The following SLC47A2 variants were observed in gnomAD, a reference collection of about 807,000 sequenced individuals.
The protein encoded by SLC47A2 is solute carrier family 47 member 2.
In SLC47A2, 52 loss-of-function variants were observed where a neutral mutation model predicts 67.7. The observed-to-expected ratio is 0.77, with a 90% confidence interval of 0.61 to 0.97. The LOEUF is 0.97. Among genes scored for constraint, SLC47A2 ranks in the 50% least tolerant of loss-of-function variants. The pLI is 0.00. For missense variants in SLC47A2, 676 were observed against 712.3 expected, an observed-to-expected ratio of 0.95 and a Z score of 0.58; for synonymous variants, 278 against 292.9, an observed-to-expected ratio of 0.95 and a Z score of 0.52.
At chr17:19,690,107 A>G (rs2085508563) in intron 13 of SLC47A2, among the ~76,000 whole-genome samples, 1 of 152,220 alleles carries the variant, frequency 6.6e-6, no homozygotes, top group African/African-American at 2.4e-5. Context: ...AGAACCCAGA[A>G]GTAAATCCAT....
chr17:19,680,736 A>G (rs2085294031), intron 15 of SLC47A2, among the ~76,000 whole-genome samples: 1 of 151,978 alleles, frequency 6.6e-6, no homozygotes, highest in Admixed American at 6.6e-5. Context: ...TCCAAAGTCA[A>G]GGCACACGCT....
In SLC47A2 at chr17:19,678,749, C is replaced by G; in HGVS notation, c.1638G>C (p.Leu546=). 6.2e-7 allele frequency: 1 copy of G among 1,614,042 alleles called. No individual in the cohort carries two copies. The highest frequency in any genetic ancestry group is 8.5e-7 in the Non-Finnish European group (1 of 1,180,050). The stretch of plus-strand genomic sequence containing the variant: ...CCATCAGTGTGGCTGACGCCGCCCC[C>G]AGAGCAGCCCCACGGCGGATGACCA... The part of the protein sequence containing the change: ...KQLVIRRGAA[L]GAASATLMVG... Residue 546 remains leucine, a synonymous_variant, in exon 17 of 17, where the codon CTG becomes CTC. Coordinates refer to ENST00000433844, the MANE Select transcript of SLC47A2 (RefSeq NM_001099646.3).
intron 15 of SLC47A2, 97 bp from the exon 16 acceptor site, chr17:19,680,136 C>A (rs1899425963): frequency 8.4e-7 from 1 of 1,197,008 alleles, no homozygotes; most frequent in Admixed American, 2.2e-5. Context: ...ACATTGCAAG[C>A]TGAAGCAGCA....
intron 13 of SLC47A2, among the ~76,000 whole-genome samples, chr17:19,697,912 G>A (rs1211045966): frequency 6.6e-6 from 1 of 152,014 alleles, no homozygotes; most frequent in Admixed American, 6.6e-5. Flanking sequence ...TTTTTAAAAT[G>A]GGCAAAAGAC....
intron 13 of SLC47A2, among the ~76,000 whole-genome samples, chr17:19,699,020 G>C (rs973946437): frequency 3.9e-5 from 6 of 152,128 alleles, no homozygotes; most frequent in Non-Finnish European, 5.9e-5. Context: ...GTGGATTTTG[G>C]TACCTTGCGG....
intron 13 of SLC47A2, among the ~76,000 whole-genome samples, chr17:19,694,849 G>T (rs1160186601): frequency 1.3e-5 from 2 of 150,382 alleles, no homozygotes; most frequent in Non-Finnish European, 2.9e-5. Context: ...CCGGGAGGCA[G>T]AGGTTGCAGT....
chr17:19,690,885 C>T (rs752489812), intron 13 of SLC47A2, among the ~76,000 whole-genome samples: 2 of 151,880 alleles, frequency 1.3e-5, no homozygotes, highest in South Asian at 2.1e-4. Context: ...CTTGGGGGGT[C>T]GAGGTGGGCG....
At position 19,708,718 on chromosome 17, in the gene SLC47A2, G is replaced by C; in HGVS notation, c.529C>G (p.Gln177Glu). ...CCCCACACACCAAAGACCTGTACCT[G>C]ATTTTGCAAATATTTTGCCAGCAGA... is the stretch of plus-strand genomic sequence containing the variant. ...YNLLAKYLQN[Q>E]KITWPQVLSG... Residue 177 changes from glutamine (Q) to glutamate (E), a missense_variant and splice_region_variant, in exon 6 of 17, where the codon CAG (glutamine) becomes GAG (glutamate). Physicochemically the swap from Gln to Glu is conservative, Grantham distance 29. Transcript: ENST00000433844. 6.2e-7 allele frequency: 1 copy of C among 1,613,960 alleles called. No individual in the cohort carries two copies.
chr17:19,698,414 G>A (rs1318457684), intron 13 of SLC47A2, among the ~76,000 whole-genome samples: 8 of 152,020 alleles, frequency 5.3e-5, no homozygotes, highest in African/African-American at 1.2e-4. Flanking sequence ...GTACAGTGGC[G>A]CAATATTGGC....
rs116752080 is a variant in SLC47A2, at chr17:19,698,695, C to A, written c.1164+3910G>T. 4.9e-3 allele frequency among the ~76,000 whole-genome samples: 747 copies of A among 152,226 alleles called. 7 individuals are homozygous for A. The highest frequency in any genetic ancestry group is 0.017 in the African/African-American group (711 of 41,520). Reference sequence around the variant, plus strand: ...ATGTCAGGGTTGATTAAAAAAAATTCTTTTAATTTTGATAAAATACACATA... The same window carrying A: ...ATGTCAGGGTTGATTAAAAAAAATTATTTTAATTTTGATAAAATACACATA... On this transcript the variant is annotated intron_variant, in intron 13 of 16. Transcript: ENST00000433844.
At chr17:19,683,308 G>A (rs2085354858) in intron 13 of SLC47A2, among the ~76,000 whole-genome samples, 1 of 152,104 alleles carries the variant, frequency 6.6e-6, no homozygotes, top group Non-Finnish European at 1.5e-5. Flanking sequence ...AATGCCCAGG[G>A]GACCGCCCTC....
At chr17:19,704,260 A>G (rs1189422350) in intron 10 of SLC47A2, 82 bp from the exon 11 acceptor site, 12 of 1,147,166 alleles carry the variant, frequency 1.0e-5, no homozygotes, top group Middle Eastern at 2.0e-4. Context: ...GCCAAGAGGG[A>G]CGTGAGCGGG....
intron 13 of SLC47A2, chr17:19,702,076 T>C: frequency 3.1e-6 from 3 of 968,732 alleles, no homozygotes; most frequent in South Asian, 4.8e-5. Flanking sequence ...ACTGCTGCAC[T>C]CCAGCCTGGG....
At chr17:19,680,674 G>T (rs2085292828) in intron 15 of SLC47A2, among the ~76,000 whole-genome samples, 1 of 152,072 alleles carries the variant, frequency 6.6e-6, no homozygotes, top group Non-Finnish European at 1.5e-5. Flanking sequence ...GCCCTGCCCT[G>T]TTTAAAAAGG....
intron 13 of SLC47A2, among the ~76,000 whole-genome samples, chr17:19,697,592 T>G (rs75936794): frequency 0.021 from 3,236 of 152,254 alleles, 59 homozygotes; most frequent in African/African-American, 0.047. Context: ...TTTGTTTTAT[T>G]TATTTTGTAG....
At chr17:19,695,499 C>CAAAAAAAAAAAAAAAA in intron 13 of SLC47A2, among the ~76,000 whole-genome samples, 1 of 55,434 alleles carries the variant, frequency 1.8e-5, no homozygotes, top group Non-Finnish European at 3.2e-5. Flanking sequence ...AAACAAAGAA[C>CAAAAAAAAAAAAAAAA]AAAAAAAAAA....
Position 19,712,792 on chromosome 17 carries a change from G to A in SLC47A2, c.444-47C>T, listed in dbSNP as rs760269719. 3.0e-5 allele frequency: 48 copies of A among 1,582,928 alleles called. No individual in the cohort carries two copies. In the Admixed American group the frequency reaches 5.7e-4, roughly 19 times the overall value. On this transcript the variant is annotated intron_variant, in intron 4 of 16. Transcript: ENST00000433844. ...CGGAGCTGACCAGGCTGTGGCCCGG[G>A]GAGGCAGGGCCCTCTCCCCTGTGTC... is the stretch of plus-strand genomic sequence containing the variant.
At chr17:19,711,518 G>T (rs1377369812) in intron 5 of SLC47A2, among the ~76,000 whole-genome samples, 1 of 146,290 alleles carries the variant, frequency 6.8e-6, no homozygotes, top group East Asian at 2.1e-4. Context: ...GAATCTGGGA[G>T]GCAGAGGTTG....
At chr17:19,713,511 A>T (rs951565719) in intron 4 of SLC47A2, among the ~76,000 whole-genome samples, 1 of 152,238 alleles carries the variant, frequency 6.6e-6, no homozygotes, top group Non-Finnish European at 1.5e-5. Flanking sequence ...ATTTCTTCGA[A>T]AGCATCTGTA....
Sources: gnomAD v4.1 joint callset for allele counts (sites outside exome capture counted in the v4.1 genomes callset) on GRCh38, gnomAD v4.1.1 for gene constraint, MANE v1.5 for transcripts, NCBI Gene and HGNC (gene_info 2026-07-23, HGNC 2026-07-21) for gene names.